CSDE1: variants seen among roughly 807,000 people sequenced by gnomAD.
CSDE1 encodes the protein cold shock domain-containing protein E1.
A neutral mutation model predicts 89.3 loss-of-function variants in CSDE1; 17 were observed. That is an observed-to-expected ratio of 0.19 (90% confidence interval 0.13 to 0.29). The LOEUF (loss-of-function observed/expected upper bound fraction) is 0.29. Among genes scored for constraint, CSDE1 ranks in the 10% least tolerant of loss-of-function variants. The pLI is 1.00. For missense variants in CSDE1, 672 were observed against 984.2 expected, an observed-to-expected ratio of 0.68 and a Z score of 4.24; for synonymous variants, 322 against 332.8, an observed-to-expected ratio of 0.97 and a Z score of 0.35.
chr1:114,725,339 G>A lies in CSDE1; in HGVS notation c.1641-6C>T, dbSNP rs1267189804. The stretch of plus-strand genomic sequence containing the variant: ...CAACATCACCAGAGAACTCACTAAG[G>A]AGAAAGGAAATGACATTTAACTAAA... On this transcript the variant is annotated splice_polypyrimidine_tract_variant and splice_region_variant and intron_variant, in intron 14 of 19. Coordinates refer to ENST00000358528, the MANE Select transcript of CSDE1 (RefSeq NM_001007553.3). 2.5e-6 allele frequency: 4 copies of A among 1,606,958 alleles called. No individual in the cohort carries two copies. The highest frequency in any genetic ancestry group is 1.7e-5 in the Admixed American group (1 of 60,006).
intron 2 of CSDE1, among the ~76,000 whole-genome samples, 200 bp from the exon 3 acceptor site, chr1:114,740,090 T>C (rs1376546196): frequency 2.0e-5 from 3 of 152,188 alleles, no homozygotes; most frequent in Non-Finnish European, 2.9e-5. Context: ...TATTGGGGAA[T>C]TGCCCCAAAT....
In CSDE1 at chr1:114,733,978, G is replaced by C; in HGVS notation, c.711+11C>G. 1 of 1,608,804 alleles carries C rather than the reference G, an allele frequency of 6.2e-7. No homozygotes were observed. The highest frequency in any genetic ancestry group is 8.5e-7 in the Non-Finnish European group (1 of 1,178,546). On this transcript the variant is annotated intron_variant, in intron 8 of 19. Coordinates refer to ENST00000358528, the MANE Select transcript of CSDE1 (RefSeq NM_001007553.3). ...TAAAAGGCCAAAGATCAAGTTAACT[G>C]ACTGTCTTACATTTCTGTCCTTGAT...
intron 2 of CSDE1, among the ~76,000 whole-genome samples, chr1:114,742,922 C>A (rs573624277): frequency 3.7e-4 from 57 of 152,332 alleles, no homozygotes; most frequent in African/African-American, 1.3e-3. Context: ...CATTTCTGCA[C>A]AAGTAAACTT....
chr1:114,742,321 T>C (rs1463092690), intron 2 of CSDE1, among the ~76,000 whole-genome samples: 1 of 152,208 alleles, frequency 6.6e-6, no homozygotes, highest in African/African-American at 2.4e-5. Flanking sequence ...CCGGATGCAG[T>C]GGCTCACACC....
chr1:114,748,292 T>C (rs1400269056), intron 2 of CSDE1: 3 of 152,224 alleles, frequency 2.0e-5, no homozygotes, highest in Non-Finnish European at 4.4e-5. Context: ...TTCCTGAAAT[T>C]ATCGTTGGTG....
intron 13 of CSDE1, 31 bp from the exon 14 acceptor site, chr1:114,726,417 A>G (rs771927931): frequency 8.9e-6 from 14 of 1,570,824 alleles, no homozygotes; most frequent in Admixed American, 3.6e-5. Context: ...CATTAACACC[A>G]TATCACTTCC....
intron 1 of CSDE1, among the ~76,000 whole-genome samples, chr1:114,750,872 G>A (rs765329740): frequency 2.0e-5 from 3 of 152,204 alleles, no homozygotes; most frequent in African/African-American, 4.8e-5. Context: ...TCAGAGCAGC[G>A]ACCATGCATT....
intron 1 of CSDE1, among the ~76,000 whole-genome samples, chr1:114,756,130 T>C (rs897162503): frequency 6.6e-6 from 1 of 152,200 alleles, no homozygotes; most frequent in African/African-American, 2.4e-5. Flanking sequence ...GCTAGGACTT[T>C]ACCAGATTTT....
intron 1 of CSDE1, among the ~76,000 whole-genome samples, 146 bp downstream of exon 1, chr1:114,757,770 AAGCCCAGGG>A (rs1258381408): frequency 1.3e-5 from 2 of 151,992 alleles, no homozygotes; most frequent in African/African-American, 4.8e-5. Context: ...ACGTATGAAA[AAGCCCAGGG>A]CAGGGAATCG....
chr1:114,756,821 G>A (rs1410184964), intron 1 of CSDE1: 1 of 152,206 alleles, frequency 6.6e-6, no homozygotes, highest in African/African-American at 2.4e-5. Context: ...CCTGTTTCAG[G>A]GAGCGTTCTC....
chr1:114,735,666 T>C (rs1660360001), intron 6 of CSDE1, among the ~76,000 whole-genome samples: 2 of 152,200 alleles, frequency 1.3e-5, no homozygotes, highest in East Asian at 1.9e-4. Context: ...ATCCCAGACA[T>C]GCTCTTAGGA....
chr1:114,730,491 T>G lies in CSDE1; in HGVS notation c.1191+17A>C. ...GCATCAAGAAACACCTCCCAACTTT[T>G]CTCAGAAACAACTCACAGGAACCAC... On this transcript the variant is annotated intron_variant, in intron 11 of 19. Transcript: ENST00000358528. 1 of 1,612,730 alleles carries G rather than the reference T, an allele frequency of 6.2e-7. No homozygotes were observed. The highest frequency in any genetic ancestry group is 1.1e-5 in the South Asian group (1 of 90,662).
chr1:114,747,731 G>A (rs557352267), intron 2 of CSDE1, among the ~76,000 whole-genome samples: 10 of 152,090 alleles, frequency 6.6e-5, no homozygotes, highest in African/African-American at 1.9e-4. Flanking sequence ...GGTGATGCGC[G>A]CCTGTAATTT....
chr1:114,754,808 T>A (rs1441106682), intron 1 of CSDE1, among the ~76,000 whole-genome samples: 1 of 152,248 alleles, frequency 6.6e-6, no homozygotes, highest in African/African-American at 2.4e-5. Context: ...CTGGATTAAT[T>A]ATCTAAACAG....
Position 114,744,347 on chromosome 1 carries a change from C to T in CSDE1, c.1-4457G>A, listed in dbSNP as rs565479188. 4.8e-4 allele frequency among the ~76,000 whole-genome samples: 73 copies of T among 152,136 alleles called. No homozygotes were observed. The South Asian group carries it at 0.012, about 26-fold the overall frequency. On this transcript the variant is annotated intron_variant, in intron 2 of 19. Transcript: ENST00000358528. ...TTGTAATCCTAGCACTTTGAGAGGC[C>T]GAGGTGGCAGATCACCTGAGCCCAG...
At chr1:114,719,804 A>G in intron 17 of CSDE1, 62 bp from the exon 18 acceptor site, 1 of 1,472,952 alleles carries the variant, frequency 6.8e-7, no homozygotes, top group Non-Finnish European at 9.3e-7. Flanking sequence ...AATGAAGCAC[A>G]ATGCCTGCCC....
intron 1 of CSDE1, among the ~76,000 whole-genome samples, chr1:114,754,022 T>A (rs895829785): frequency 6.6e-6 from 1 of 152,220 alleles, no homozygotes; most frequent in African/African-American, 2.4e-5. Flanking sequence ...ATCAACTCCT[T>A]TTCCCTTTGC....
intron 1 of CSDE1, among the ~76,000 whole-genome samples, chr1:114,753,879 G>T (rs974373439): frequency 6.6e-6 from 1 of 152,150 alleles, no homozygotes; most frequent in African/African-American, 2.4e-5. Flanking sequence ...CTGTGCCACT[G>T]CACTCTTGCC....
At chr1:114,747,718 C>A (rs896049340) in intron 2 of CSDE1, among the ~76,000 whole-genome samples, 2 of 151,938 alleles carry the variant, frequency 1.3e-5, no homozygotes, top group East Asian at 3.9e-4. Context: ...ATAAGCCAGG[C>A]ATGGTGATGC....
Sources: allele counts gnomAD v4.1 joint callset (sites outside exome capture counted in the v4.1 genomes callset), GRCh38; gene constraint gnomAD v4.1.1; transcripts MANE v1.5; gene names NCBI Gene and HGNC (gene_info 2026-07-23, HGNC 2026-07-21).